ATP9B: variants seen among roughly 807,000 people sequenced by gnomAD.
ATP9B encodes ATPase phospholipid transporting 9B, also known as probable phospholipid-transporting ATPase IIB.
A neutral mutation model predicts 146.1 loss-of-function variants in ATP9B; 110 were observed. The observed-to-expected ratio is 0.75, with a 90% CI of 0.65 to 0.88. The LOEUF (loss-of-function observed/expected upper bound fraction) is 0.88, where lower values mean the gene tolerates loss of function less well. Ranked by LOEUF, ATP9B falls within the 40% of genes least tolerant of loss-of-function variation. The pLI, the probability that ATP9B is intolerant of heterozygous loss-of-function variation, is 0.00. For synonymous variants in ATP9B, 604 were observed against 569.7 expected (o/e 1.06, Z -0.86); for missense variants, 1,499 against 1,496.4 (o/e 1.00, Z -0.03).
chr18:79,207,653 T>C (rs562156229), intron 10 of ATP9B, among the ~76,000 whole-genome samples: 356 of 151,582 alleles, frequency 2.3e-3, no homozygotes, highest in African/African-American at 8.0e-3. Flanking sequence ...TGGAAGAGAG[T>C]GCCCGAAAGG....
At position 79,198,718 on chromosome 18, in the gene ATP9B, A is replaced by G. The variant is rs569957852; in HGVS notation, c.954+5455A>G. Among the ~76,000 whole-genome samples the G allele has an allele frequency of 2.0e-5, 3 of 152,310 alleles. No homozygotes were observed. The East Asian group carries it at 5.8e-4, about 29-fold the overall frequency. On this transcript the variant is annotated intron_variant, in intron 9 of 29. Coordinates refer to ENST00000426216, the MANE Select transcript of ATP9B (RefSeq NM_198531.5). ...TCTAACCATAGAAAAGGTACAGTAA[A>G]AAATGCTGTATAAAAGATTAAGAAA... is the stretch of plus-strand genomic sequence containing the variant.
At chr18:79,176,960 G>A in intron 8 of ATP9B, 53 bp downstream of exon 8, 1 of 1,469,570 alleles carries the variant, frequency 6.8e-7, no homozygotes, top group African/African-American at 1.4e-5. Flanking sequence ...TAGTTTCTAG[G>A]CTTCACGTAT....
chr18:79,308,619 G>C (rs934855289), intron 15 of ATP9B, among the ~76,000 whole-genome samples: 11 of 152,220 alleles, frequency 7.2e-5, no homozygotes, highest in African/African-American at 2.7e-4. Flanking sequence ...ACAGAGAGCA[G>C]AGCAGCAGGT....
chr18:79,221,326 G>A lies in ATP9B; in HGVS notation c.1107+7288G>A, dbSNP rs186026646. On this transcript the variant is annotated intron_variant, in intron 11 of 29. Transcript: ENST00000426216. ...GAGCATCCTCAGCTCCTGGAAGAGC[G>A]CCAGCCTCCTGCAGCCATCTGCTTC... 2.9e-3 allele frequency among the ~76,000 whole-genome samples: 443 copies of A among 152,270 alleles called. 2 individuals carry two copies. The highest frequency in any genetic ancestry group is 9.6e-3 in the African/African-American group (399 of 41,550).
At chr18:79,232,986 C>T (rs535807501) in intron 11 of ATP9B, among the ~76,000 whole-genome samples, 85 of 152,170 alleles carry the variant, frequency 5.6e-4, no homozygotes, top group Middle Eastern at 3.4e-3. Flanking sequence ...AACTGTGGGA[C>T]AATTTCAGAA....
At chr18:79,215,327 A>G (rs2095617765) in intron 11 of ATP9B, among the ~76,000 whole-genome samples, 1 of 152,126 alleles carries the variant, frequency 6.6e-6, no homozygotes, top group Non-Finnish European at 1.5e-5. Flanking sequence ...TTGCTTGTTC[A>G]CTGGGGCATG....
At chr18:79,137,608 C>T (rs556684462) in intron 5 of ATP9B, among the ~76,000 whole-genome samples, 7 of 152,304 alleles carry the variant, frequency 4.6e-5, no homozygotes, top group South Asian at 2.1e-4. Context: ...GGATATCCCC[C>T]GTCACTGCCT....
intron 11 of ATP9B, among the ~76,000 whole-genome samples, chr18:79,230,456 C>T (rs2095780410): frequency 6.6e-6 from 1 of 152,124 alleles, no homozygotes; most frequent in Non-Finnish European, 1.5e-5. Context: ...ACAAACTCAA[C>T]CCCTTTTATA....
chr18:79,147,007 G>C (rs183910137), intron 6 of ATP9B: 3 of 152,318 alleles, frequency 2.0e-5, no homozygotes, highest in African/African-American at 7.2e-5. Context: ...AAAGTAAAAG[G>C]ATAGAAAAAT....
chr18:79,362,828 A>G (rs2096998208), intron 26 of ATP9B: 1 of 152,236 alleles, frequency 6.6e-6, no homozygotes, highest in Admixed American at 6.5e-5. Flanking sequence ...GCTAATTGTA[A>G]AGATATCAAG....
At chr18:79,257,816 A>G (rs1263304463) in intron 12 of ATP9B, among the ~76,000 whole-genome samples, 1 of 152,080 alleles carries the variant, frequency 6.6e-6, no homozygotes, top group Non-Finnish European at 1.5e-5. Context: ...ATGTCAGTTG[A>G]TTTCTTTCAG....
chr18:79,177,009 G>GA, intron 8 of ATP9B, 102 bp downstream of exon 8: 1 of 966,070 alleles, frequency 1.0e-6, no homozygotes, highest in Non-Finnish European at 1.5e-6. Context: ...AATGCATTGA[G>GA]AATTTGTTTT....
intron 4 of ATP9B, chr18:79,117,213 T>C (rs1460783214): frequency 6.6e-6 from 1 of 152,218 alleles, no homozygotes. Flanking sequence ...ATTGAGCTCC[T>C]TCATGTCCAG....
intron 12 of ATP9B, chr18:79,254,316 C>T (rs1382070688): frequency 1.3e-5 from 2 of 152,166 alleles, no homozygotes; most frequent in African/African-American, 4.8e-5. Context: ...CAGCTTTCTC[C>T]AAAATTTGCT....
chr18:79,166,058 A>G (rs754487177), intron 7 of ATP9B, among the ~76,000 whole-genome samples: 4 of 152,142 alleles, frequency 2.6e-5, no homozygotes, highest in African/African-American at 4.8e-5. Context: ...TCCTGTCCCC[A>G]GCTCCAATGC....
At chr18:79,226,505 T>C (rs560486195) in intron 11 of ATP9B, among the ~76,000 whole-genome samples, 5 of 152,364 alleles carry the variant, frequency 3.3e-5, no homozygotes, top group African/African-American at 1.2e-4. Context: ...ACCTTGGTAT[T>C]CTGGTGCCCT....
chr18:79,204,035 T>C (rs1260866169), intron 9 of ATP9B, among the ~76,000 whole-genome samples: 2 of 152,220 alleles, frequency 1.3e-5, no homozygotes. Flanking sequence ...TTAAAGTTGA[T>C]ATTTTGGTTG....
At chr18:79,334,730 T>TGGCCCCCAGGAGACCCACCGGC (rs2096811905) in intron 17 of ATP9B, among the ~76,000 whole-genome samples, 1 of 152,150 alleles carries the variant, frequency 6.6e-6, no homozygotes, top group Admixed American at 6.5e-5. Context: ...TACACACGCC[T>TGGCCCCCAGGAGACCCACCGGC]GGCCCCCAGG....
intron 12 of ATP9B, among the ~76,000 whole-genome samples, chr18:79,267,272 T>C (rs1647347126): frequency 6.6e-6 from 1 of 152,096 alleles, no homozygotes; most frequent in African/African-American, 2.4e-5. Context: ...TTTTAATTCT[T>C]CATACTTGTT....
Sources: gnomAD v4.1 joint callset for allele counts (sites outside exome capture counted in the v4.1 genomes callset) on GRCh38, gnomAD v4.1.1 for gene constraint, MANE v1.5 for transcripts, NCBI Gene and HGNC (gene_info 2026-07-23, HGNC 2026-07-21) for gene names.